The following ATR variants were observed in gnomAD, a reference collection of about 807,000 sequenced individuals.
ATR encodes ATR checkpoint kinase.
ATR carries 142 observed loss-of-function variants against 305.3 expected under a neutral mutation model. The observed-to-expected ratio is 0.47, with a 90% confidence interval of 0.41 to 0.53. The LOEUF is 0.53. ATR is among the 20% of genes least tolerant of loss of function. The probability of loss-of-function intolerance (pLI) is 0.00; values close to 1 mark genes in which losing one functional copy is unlikely to be tolerated. For missense variants in ATR, 2,135 were observed against 3,133.1 expected (o/e 0.68, Z 7.60); for synonymous variants, 1,050 against 1,068.1 (o/e 0.98, Z 0.33).
chr3:142,450,321 G>T, intron 46 of ATR: 2 of 1,076,124 alleles, frequency 1.9e-6, no homozygotes, highest in Non-Finnish European at 2.8e-6. Flanking sequence ...AAGCACTTGA[G>T]CCATGTGCGT....
intron 10 of ATR, 100 bp downstream of exon 10, chr3:142,555,777 C>CAATTTGAAATTTTCAATTTGAAAAA: frequency 3.6e-6 from 5 of 1,385,534 alleles, no homozygotes; most frequent in Non-Finnish European, 4.9e-6. Context: ...AAGCATGTAA[C>CAATTTGAAATTTTCAATTTGAAAAA]TTCCTGTAAT....
intron 36 of ATR, among the ~76,000 whole-genome samples, chr3:142,472,526 C>T (rs539600396): frequency 4.6e-5 from 7 of 152,068 alleles, no homozygotes; most frequent in Non-Finnish European, 7.4e-5. Flanking sequence ...TTAACGATGC[C>T]GAACTTTTTT....
At chr3:142,545,313 G>A (rs976509686) in intron 16 of ATR, among the ~76,000 whole-genome samples, 80 of 152,060 alleles carry the variant, frequency 5.3e-4, no homozygotes, top group Non-Finnish European at 2.9e-5. Flanking sequence ...TCGAGACAGG[G>A]TACTCAGGAA....
chr3:142,459,613 T>A (rs2108262634), intron 42 of ATR, among the ~76,000 whole-genome samples: 1 of 152,294 alleles, frequency 6.6e-6, no homozygotes, highest in African/African-American at 2.4e-5. Flanking sequence ...CAACATGAGT[T>A]TGAACTGTGT....
chr3:142,519,186 T>C (rs1327456573), intron 24 of ATR, among the ~76,000 whole-genome samples: 2 of 152,156 alleles, frequency 1.3e-5, no homozygotes, highest in Non-Finnish European at 2.9e-5. Flanking sequence ...TTTAACCCAA[T>C]GAGCAGACTG....
chr3:142,485,220 G>A lies in ATR; in HGVS notation c.6141C>T (p.Asp2047=), dbSNP rs2030836268. 2 of 1,614,104 alleles carry A rather than the reference G, an allele frequency of 1.2e-6. No homozygotes were observed. Residue 2047 remains aspartate (D), a synonymous_variant, in exon 36 of 47, where the codon GAC becomes GAT. Transcript: ENST00000350721. ...TGTCTGTGACCATGGGCATCAATTT[G>A]TCATAGTACTTGGCAAGGTAAAAAT... is the stretch of plus-strand genomic sequence containing the variant. The part of the protein sequence containing the change: ...DGHFYLAKYY[D]KLMPMVTDNK...
intron 36 of ATR, among the ~76,000 whole-genome samples, chr3:142,475,805 T>C (rs2071425778): frequency 6.6e-6 from 1 of 152,192 alleles, no homozygotes; most frequent in Non-Finnish European, 1.5e-5. Flanking sequence ...TGGTGTGAGA[T>C]GGTATCTCAT....
rs746324583 is a variant in ATR at position 142,497,209 on chromosome 3, C to A, written c.5559-17G>T. 2.5e-6 allele frequency: 4 copies of A among 1,611,960 alleles called. No individual in the cohort carries two copies. Among genetic ancestry groups the A allele is most frequent in the Non-Finnish European group, 3.4e-6 (4 of 1,178,642 alleles). ...ATGTGCAATCTGAAGATAGATAGAG[C>A]CTATGTTAAAATGTTATCATATTCA... is the stretch of plus-strand genomic sequence containing the variant. On this transcript the variant is annotated splice_polypyrimidine_tract_variant and intron_variant, in intron 32 of 46. Coordinates refer to ENST00000350721, the MANE Select transcript of ATR (RefSeq NM_001184.4).
At chr3:142,512,156 G>T in intron 27 of ATR, 104 bp downstream of exon 27, 1 of 1,013,752 alleles carries the variant, frequency 9.9e-7, no homozygotes, top group Non-Finnish European at 1.5e-6. Context: ...ATGAAGCAAG[G>T]TATTTTTTAA....
At chr3:142,568,709 G>A (rs1199902719) in intron 1 of ATR, among the ~76,000 whole-genome samples, 1 of 152,226 alleles carries the variant, frequency 6.6e-6, no homozygotes, top group Non-Finnish European at 1.5e-5. Flanking sequence ...TGCCCTCACA[G>A]ACTTGGAAAT....
At chr3:142,475,345 G>A (rs980257146) in intron 36 of ATR, among the ~76,000 whole-genome samples, 6 of 152,040 alleles carry the variant, frequency 3.9e-5, no homozygotes, top group South Asian at 4.2e-4. Flanking sequence ...GAGAACATGC[G>A]GTGTTTGGTT....
At chr3:142,499,213 G>A in intron 31 of ATR, 1 of 347,710 alleles carries the variant, frequency 2.9e-6, no homozygotes, top group South Asian at 2.5e-5. Flanking sequence ...ACTAAACAAG[G>A]CAATCATAAA....
intron 12 of ATR, 49 bp from the exon 13 acceptor site, chr3:142,553,447 C>T: frequency 6.5e-7 from 1 of 1,540,210 alleles, no homozygotes; most frequent in Non-Finnish European, 9.0e-7. Context: ...CACACACACA[C>T]ACACACACAC....
chr3:142,450,681 C>T (rs150757755), intron 46 of ATR: 1 of 1,598,070 alleles, frequency 6.3e-7, no homozygotes, highest in Non-Finnish European at 8.6e-7. Context: ...TTTAAAAAAT[C>T]CTGATTAAGG....
At chr3:142,454,623 A>G (rs1178409163) in intron 45 of ATR, among the ~76,000 whole-genome samples, 1 of 151,476 alleles carries the variant, frequency 6.6e-6, no homozygotes, top group Non-Finnish European at 1.5e-5. Context: ...TTGTATTTTT[A>G]GTAGAGACAG....
intron 21 of ATR, among the ~76,000 whole-genome samples, chr3:142,530,905 A>G (rs1182400534): frequency 6.6e-6 from 1 of 152,178 alleles, no homozygotes; most frequent in Non-Finnish European, 1.5e-5. Flanking sequence ...TGCACTTAAG[A>G]GTATGACTCT....
chr3:142,520,237 C>T (rs565872738), intron 23 of ATR, among the ~76,000 whole-genome samples: 1 of 152,262 alleles, frequency 6.6e-6, no homozygotes, highest in East Asian at 1.9e-4. Context: ...CCCCCTCACT[C>T]TCTTTGGGAC....
chr3:142,535,616 T>C (rs555658518), intron 20 of ATR, among the ~76,000 whole-genome samples: 1 of 152,326 alleles, frequency 6.6e-6, no homozygotes, highest in South Asian at 2.1e-4. Flanking sequence ...CCAGAAGTTC[T>C]ATGAAATCAC....
intron 27 of ATR, among the ~76,000 whole-genome samples, chr3:142,511,301 A>G (rs79132510): frequency 0.018 from 2,724 of 152,256 alleles, 29 homozygotes; most frequent in South Asian, 0.041. Context: ...TTCACATTTT[A>G]TAATTTATCT....
Sources: gnomAD v4.1 joint callset for allele counts (sites outside exome capture counted in the v4.1 genomes callset) on GRCh38, gnomAD v4.1.1 for gene constraint, MANE v1.5 for transcripts, NCBI Gene and HGNC (gene_info 2026-07-23, HGNC 2026-07-21) for gene names.